LRMDA: variants seen among roughly 807,000 people sequenced by gnomAD.
LRMDA encodes leucine-rich melanocyte differentiation-associated protein.
A neutral mutation model predicts 29.8 loss-of-function variants in LRMDA; 18 were observed. The observed-to-expected ratio is 0.60, with a 90% CI of 0.42 to 0.90. The LOEUF is 0.90. Among genes scored for constraint, LRMDA ranks in the 40% least tolerant of loss-of-function variants. The probability of loss-of-function intolerance (pLI) is 0.00; values close to 1 mark genes in which losing one functional copy is unlikely to be tolerated. For synonymous variants in LRMDA, 125 were observed against 109.4 expected (o/e 1.14, Z -0.89); for missense variants, 273 against 273.9 (o/e 1.00, Z 0.02).
intron 5 of LRMDA, among the ~76,000 whole-genome samples, chr10:76,145,631 C>T (rs904094695): frequency 2.6e-5 from 4 of 151,944 alleles, no homozygotes; most frequent in Non-Finnish European, 5.9e-5. Context: ...TTGATCTTTT[C>T]GAAAAACCAG....
intron 2 of LRMDA, among the ~76,000 whole-genome samples, chr10:75,831,986 C>T (rs1377052609): frequency 6.6e-6 from 1 of 152,212 alleles, no homozygotes; most frequent in East Asian, 1.9e-4. Context: ...TTCTCCTAGG[C>T]CTCTGGGTCT....
intron 2 of LRMDA, among the ~76,000 whole-genome samples, chr10:75,765,734 C>T (rs1462664337): frequency 2.6e-5 from 4 of 151,992 alleles, no homozygotes; most frequent in African/African-American, 4.8e-5. Flanking sequence ...GAGAAGCTCA[C>T]GTGCAGAATG....
chr10:75,492,124 C>T (rs181112840), intron 2 of LRMDA, among the ~76,000 whole-genome samples: 1 of 152,176 alleles, frequency 6.6e-6, no homozygotes, highest in East Asian at 1.9e-4. Context: ...TTCTTACATC[C>T]GTCAGGAGAG....
intron 2 of LRMDA, among the ~76,000 whole-genome samples, chr10:75,790,021 T>A (rs762198393): frequency 3.9e-5 from 6 of 151,986 alleles, no homozygotes; most frequent in Non-Finnish European, 8.8e-5. Context: ...GCAGGTAGAT[T>A]TTCAGTATAT....
rs142449649 is a variant in LRMDA, at chr10:75,873,421, C to T, written c.132-162587C>T. ...TCCTTTTAGTGATTGAGATTTAAAC[C>T]AGAGAGAGGAAAAAAGCTTGATGAA... is the stretch of plus-strand genomic sequence containing the variant. On this transcript the variant is annotated intron_variant, in intron 2 of 6. Coordinates refer to ENST00000611255, the MANE Select transcript of LRMDA (RefSeq NM_001305581.2). Among the ~76,000 whole-genome samples the T allele has an allele frequency of 4.7e-3, 716 of 152,036 alleles. 32 individuals carry two copies. The highest frequency in any genetic ancestry group is 0.041 in the Admixed American group (625 of 15,276).
rs1842935940 is a variant in LRMDA at position 76,503,922 on chromosome 10, G to A, written c.602-53287G>A. ...GTTCCTCTAAGTATGGTGTTGGATT[G>A]TTAACTTGAGGTCTTTCTAACTTCT... On this transcript the variant is annotated intron_variant, in intron 6 of 6. Coordinates refer to ENST00000611255, the MANE Select transcript of LRMDA (RefSeq NM_001305581.2). Among the ~76,000 whole-genome samples, 2 of 149,496 alleles carry A rather than the reference G, an allele frequency of 1.3e-5. 1 individual carries two copies. Among genetic ancestry groups the A allele is most frequent in the South Asian group, 4.2e-4 (2 of 4,760 alleles).
intron 5 of LRMDA, among the ~76,000 whole-genome samples, chr10:76,132,753 T>G (rs1850015884): frequency 6.6e-6 from 1 of 151,560 alleles, no homozygotes; most frequent in Admixed American, 6.6e-5. Context: ...ACTTACAGAG[T>G]CTTGACCATT....
At chr10:75,965,230 G>A (rs1013407810) in intron 2 of LRMDA, among the ~76,000 whole-genome samples, 3 of 152,112 alleles carry the variant, frequency 2.0e-5, no homozygotes, top group Non-Finnish European at 2.9e-5. Flanking sequence ...TTTGGCACCT[G>A]GTACCTAACA....
intron 5 of LRMDA, among the ~76,000 whole-genome samples, chr10:76,174,224 C>A (rs1367257519): frequency 6.6e-6 from 1 of 152,150 alleles, no homozygotes; most frequent in African/African-American, 2.4e-5. Context: ...TTTCACATTG[C>A]ATGCCTGTAT....
At chr10:75,772,737 C>T (rs1333319158) in intron 2 of LRMDA, among the ~76,000 whole-genome samples, 1 of 152,116 alleles carries the variant, frequency 6.6e-6, no homozygotes, top group Non-Finnish European at 1.5e-5. Context: ...ACAAAATGTA[C>T]TGGCTTTCAA....
chr10:76,240,436 A>C (rs1372426416), intron 5 of LRMDA, among the ~76,000 whole-genome samples: 1 of 148,266 alleles, frequency 6.7e-6, no homozygotes, highest in Non-Finnish European at 1.5e-5. Flanking sequence ...TATATGTTAT[A>C]TATAATATAT....
chr10:75,540,509 G>A (rs1840002607), intron 2 of LRMDA, among the ~76,000 whole-genome samples: 1 of 152,166 alleles, frequency 6.6e-6, no homozygotes, highest in South Asian at 2.1e-4. Context: ...TGGCCAAACA[G>A]GCTTTTCTTA....
At chr10:75,963,538 G>A (rs2132431308) in intron 2 of LRMDA, among the ~76,000 whole-genome samples, 1 of 152,274 alleles carries the variant, frequency 6.6e-6, no homozygotes, top group East Asian at 1.9e-4. Context: ...TGATGCCCAT[G>A]CAGTCTATGC....
At chr10:75,553,697 C>G (rs1251685767) in intron 2 of LRMDA, among the ~76,000 whole-genome samples, 1 of 152,132 alleles carries the variant, frequency 6.6e-6, no homozygotes, top group African/African-American at 2.4e-5. Flanking sequence ...TTCTATCTCT[C>G]CTTTAGTTAA....
intron 5 of LRMDA, among the ~76,000 whole-genome samples, chr10:76,165,604 C>T (rs1226099825): frequency 6.6e-6 from 1 of 152,174 alleles, no homozygotes; most frequent in African/African-American, 2.4e-5. Flanking sequence ...CACAGTTCCT[C>T]ATTGGCTGAG....
intron 5 of LRMDA, among the ~76,000 whole-genome samples, chr10:76,189,221 G>A (rs1056964373): frequency 6.6e-6 from 1 of 152,134 alleles, no homozygotes; most frequent in African/African-American, 2.4e-5. Context: ...GCTGGGCATG[G>A]TGGTGTGTGC....
intron 2 of LRMDA, among the ~76,000 whole-genome samples, chr10:75,517,514 T>C (rs974099928): frequency 2.0e-5 from 3 of 152,212 alleles, no homozygotes; most frequent in African/African-American, 7.2e-5. Flanking sequence ...CTGTTATTGC[T>C]ATATAGGAAT....
intron 5 of LRMDA, among the ~76,000 whole-genome samples, chr10:76,201,433 A>G (rs1851430124): frequency 6.6e-6 from 1 of 152,212 alleles, no homozygotes; most frequent in Non-Finnish European, 1.5e-5. Flanking sequence ...GAGAGCTGAA[A>G]TGATTTGTCG....
chr10:75,540,523 C>T (rs977267043), intron 2 of LRMDA, among the ~76,000 whole-genome samples: 4 of 152,186 alleles, frequency 2.6e-5, no homozygotes, highest in Non-Finnish European at 5.9e-5. Flanking sequence ...TTTCTTATTT[C>T]CACTTGGCTG....
Sources: allele counts gnomAD v4.1 joint callset (sites outside exome capture counted in the v4.1 genomes callset), GRCh38; gene constraint gnomAD v4.1.1; transcripts MANE v1.5; gene names NCBI Gene and HGNC (gene_info 2026-07-23, HGNC 2026-07-21).